ZC3H7A: variants seen among roughly 807,000 people sequenced by gnomAD.
ZC3H7A encodes the protein zinc finger CCCH-type containing 7A, also known as zinc finger CCCH domain-containing protein 7A.
ZC3H7A carries 44 observed loss-of-function variants against 125.5 expected under a neutral mutation model. That is an observed-to-expected ratio of 0.35 (90% confidence interval 0.28 to 0.45). The LOEUF (loss-of-function observed/expected upper bound fraction) is 0.45, where lower values mean the gene tolerates loss of function less well. Ranked by LOEUF, ZC3H7A falls within the 20% of genes least tolerant of loss-of-function variation. The pLI is 1.00. For synonymous variants in ZC3H7A, 399 were observed against 391.2 expected (o/e 1.02, Z -0.23); for missense variants, 977 against 1,170.7 (o/e 0.83, Z 2.41).
intron 2 of ZC3H7A, 29 bp downstream of exon 2, chr16:11,782,258 C>A: frequency 6.2e-7 from 1 of 1,613,566 alleles, no homozygotes; most frequent in South Asian, 1.1e-5. Flanking sequence ...TAGGACGCGG[C>A]AAGAACACAA....
At chr16:11,788,598 GCTTT>G (rs200397670) in intron 1 of ZC3H7A, among the ~76,000 whole-genome samples, 26,520 of 150,550 alleles carry the variant, frequency 0.18, 3,096 homozygotes, top group East Asian at 0.48. Flanking sequence ...CAAATATATT[GCTTT>G]CTTTTTTTTC....
chr16:11,785,864 T>C (rs1353039238), intron 1 of ZC3H7A, among the ~76,000 whole-genome samples: 1 of 152,148 alleles, frequency 6.6e-6, no homozygotes. Flanking sequence ...CATGATCTGC[T>C]CACCTAGGCC....
chr16:11,771,701 A>T (rs2052985882), intron 9 of ZC3H7A, among the ~76,000 whole-genome samples: 1 of 151,890 alleles, frequency 6.6e-6, no homozygotes, highest in Admixed American at 6.6e-5. Context: ...GGGTTTTGCC[A>T]TGTTGGCCAG....
chr16:11,796,272 G>A (rs1010095923), intron 1 of ZC3H7A: 4 of 152,220 alleles, frequency 2.6e-5, no homozygotes, highest in East Asian at 1.9e-4. Context: ...TCAGATGTAC[G>A]TTTCACAGCT....
At chr16:11,758,289 G>A (rs374009320) in intron 20 of ZC3H7A, 142 bp downstream of exon 20, 34 of 678,086 alleles carry the variant, frequency 5.0e-5, no homozygotes, top group Middle Eastern at 4.7e-4. Flanking sequence ...AGGCATCATC[G>A]CCAACAGAGC....
rs1003730917 is a variant in ZC3H7A, at chr16:11,765,582, G to A, written c.1626C>T (p.Ser542=). 1 of 1,614,092 alleles carries A rather than the reference G, an allele frequency of 6.2e-7. No individual in the cohort carries two copies. Among genetic ancestry groups the A allele is most frequent in the Admixed American group, 1.7e-5 (1 of 60,008 alleles). Reference sequence around the variant, plus strand: ...CATTGCCGCCAAAGAAAGCCTCCCGGCTGAATGCTCCTTTCCGCTCCAGTG... The same window carrying A: ...CATTGCCGCCAAAGAAAGCCTCCCGACTGAATGCTCCTTTCCGCTCCAGTG... ...VWTLERKGAF[S]REAFFGGNGK... The change falls in exon 14 of 23, where the codon AGC becomes AGT. Residue 542 remains serine (S), a synonymous_variant. Transcript: ENST00000355758. The surrounding 1 kb of genome is among the most constrained non-coding windows in gnomAD (Gnocchi z 4.8).
At position 11,765,204 on chromosome 16, in the gene ZC3H7A, G is replaced by A; in HGVS notation, c.1720-51C>T. On this transcript the variant is annotated intron_variant, in intron 14 of 22. Transcript: ENST00000355758. This position sits in a 1 kb window ranked among gnomAD's most constrained non-coding sequence, Gnocchi z 4.8. Reference sequence around the variant, plus strand: ...AAAAAAAATACAAAATATAAATTTTGTACCCAGAATATTGTCCTAGTTTCA... The same window carrying A: ...AAAAAAAATACAAAATATAAATTTTATACCCAGAATATTGTCCTAGTTTCA... 8.4e-7 allele frequency: 1 copy of A among 1,193,698 alleles called. No individual in the cohort carries two copies. Among genetic ancestry groups the A allele is most frequent in the Non-Finnish European group, 1.2e-6 (1 of 862,580 alleles). 73.9% of individuals were successfully genotyped at this position (1,193,698 alleles called of 1,614,324 possible). A position where few individuals can be genotyped will look rare whatever the true frequency, so the allele number is the denominator to read the frequency against.
At position 11,752,652 on chromosome 16, in the gene ZC3H7A, T is replaced by G. The variant is rs2303822; in HGVS notation, c.2726+17A>C. On this transcript the variant is annotated intron_variant, in intron 22 of 22. Transcript: ENST00000355758. ...GTCAGCAATTCTGACATGGAAAAAT[T>G]GTAGAAACCTACATACCTATCACAA... The G allele has an allele frequency of 0.12, 188,521 of 1,586,898 alleles. 14,886 individuals are homozygous for G. Among genetic ancestry groups the G allele is most frequent in the African/African-American group, 0.4 (29,479 of 73,170 alleles).
intron 1 of ZC3H7A, among the ~76,000 whole-genome samples, chr16:11,793,206 C>T (rs543259957): frequency 1.4e-4 from 22 of 152,292 alleles, no homozygotes; most frequent in African/African-American, 4.1e-4. Flanking sequence ...AGCATTTGTA[C>T]TTTTGCCTAA....
At chr16:11,764,340 G>C (rs1281248148) in intron 15 of ZC3H7A, among the ~76,000 whole-genome samples, 1 of 152,084 alleles carries the variant, frequency 6.6e-6, no homozygotes, top group Non-Finnish European at 1.5e-5. Context: ...CTTGAGGTCA[G>C]GAGTTCAAGA....
intron 21 of ZC3H7A, among the ~76,000 whole-genome samples, chr16:11,755,009 A>G (rs891960663): frequency 1.1e-4 from 16 of 151,408 alleles, no homozygotes; most frequent in African/African-American, 3.9e-4. Context: ...GGAGTTTGAG[A>G]CCAGCCTGGC....
At chr16:11,761,262 G>T in intron 19 of ZC3H7A, 144 bp downstream of exon 19, 1 of 770,760 alleles carries the variant, frequency 1.3e-6, no homozygotes, top group Non-Finnish European at 2.1e-6. Flanking sequence ...TAAAGGGAAG[G>T]AAAACCAAAG....
intron 1 of ZC3H7A, among the ~76,000 whole-genome samples, chr16:11,784,066 A>C (rs180852171): frequency 1.5e-3 from 231 of 152,320 alleles, no homozygotes; most frequent in African/African-American, 4.9e-3. Flanking sequence ...CTTCAGTACT[A>C]TTCTCTGGAC....
intron 1 of ZC3H7A, 149 bp from the exon 2 acceptor site, chr16:11,782,537 T>C: frequency 1.7e-6 from 1 of 578,562 alleles, no homozygotes; most frequent in Admixed American, 3.0e-5. Context: ...GCAGGGACCG[T>C]ACAGGAGTCA....
chr16:11,797,027 G>C (rs1356701060), intron 1 of ZC3H7A, 97 bp downstream of exon 1: 2 of 147,044 alleles, frequency 1.4e-5, no homozygotes, highest in East Asian at 4.1e-4. Flanking sequence ...GTCCGTTAAC[G>C]GCCGCGCGCG....
chr16:11,778,423 C>T (rs551622258), intron 4 of ZC3H7A, among the ~76,000 whole-genome samples: 44 of 114,316 alleles, frequency 3.8e-4, no homozygotes, highest in African/African-American at 1.2e-3. Context: ...GGTGACAGAG[C>T]GAGACACTGT....
At chr16:11,784,373 A>G (rs558512422) in intron 1 of ZC3H7A, among the ~76,000 whole-genome samples, 5 of 152,166 alleles carry the variant, frequency 3.3e-5, no homozygotes, top group Admixed American at 2.6e-4. Context: ...CTAAAAATTT[A>G]TATGTACAAA....
intron 18 of ZC3H7A, 91 bp from the exon 19 acceptor site, chr16:11,761,602 C>G (rs1019100406): frequency 3.0e-6 from 4 of 1,343,252 alleles, no homozygotes; most frequent in Admixed American, 2.1e-5. Context: ...CCTGAGGAAC[C>G]AGAGAATTTT....
At chr16:11,764,969 G>A (rs941218671) in intron 15 of ZC3H7A, 84 bp downstream of exon 15, 4 of 911,070 alleles carry the variant, frequency 4.4e-6, no homozygotes, top group Admixed American at 3.0e-5. Context: ...GGCAATGCCT[G>A]GACAGACATT....
Sources: gnomAD v4.1 joint callset for allele counts (sites outside exome capture counted in the v4.1 genomes callset) on GRCh38, gnomAD v4.1.1 for gene constraint, Gnocchi (gnomAD v3.1) non-coding constraint, MANE v1.5 for transcripts, NCBI Gene and HGNC (gene_info 2026-07-23, HGNC 2026-07-21) for gene names.